The following MED12L variants were observed in gnomAD, a reference collection of about 807,000 sequenced individuals.
MED12L encodes mediator of RNA polymerase II transcription subunit 12-like protein.
In MED12L, 60 loss-of-function variants were observed where a neutral mutation model predicts 281.3. The ratio of observed to expected loss-of-function variants is 0.21; its 90% CI spans 0.17 to 0.26. MED12L has a LOEUF of 0.26. Ranked by LOEUF, MED12L falls within the 10% of genes least tolerant of loss-of-function variation. The pLI, the probability that MED12L is intolerant of heterozygous loss-of-function variation, is 1.00. For missense variants in MED12L, 2,146 were observed against 2,680.9 expected (o/e 0.80, Z 4.41); for synonymous variants, 974 against 987.2 (o/e 0.99, Z 0.25).
At chr3:151,300,455 T>C (rs1223952493) in intron 16 of MED12L, among the ~76,000 whole-genome samples, 1 of 152,172 alleles carries the variant, frequency 6.6e-6, no homozygotes, top group Non-Finnish European at 1.5e-5. Flanking sequence ...AAAGGTTAGC[T>C]GAGACCATAT....
At chr3:151,099,565 T>C (rs1560044022) in intron 2 of MED12L, among the ~76,000 whole-genome samples, 1 of 152,220 alleles carries the variant, frequency 6.6e-6, no homozygotes, top group Non-Finnish European at 1.5e-5. Flanking sequence ...TAGTTCTGCA[T>C]TCAATCTGTT....
chr3:151,123,840 T>C (rs80192135), intron 4 of MED12L, among the ~76,000 whole-genome samples: 6,318 of 152,306 alleles, frequency 0.041, 445 homozygotes, highest in African/African-American at 0.14. Flanking sequence ...TTGAAAATAG[T>C]GTCTGTAGCT....
At chr3:151,218,560 G>A (rs1033263717) in intron 16 of MED12L, among the ~76,000 whole-genome samples, 1 of 151,974 alleles carries the variant, frequency 6.6e-6, no homozygotes, top group African/African-American at 2.4e-5. Context: ...CATATATATA[G>A]CTAAACTTTT....
intron 16 of MED12L, among the ~76,000 whole-genome samples, chr3:151,260,531 A>G (rs1332882069): frequency 1.3e-5 from 2 of 151,962 alleles, no homozygotes; most frequent in African/African-American, 4.8e-5. Flanking sequence ...TATATTTTTC[A>G]TAGAGATAGG....
At chr3:151,250,940 G>A (rs553302212) in intron 16 of MED12L, among the ~76,000 whole-genome samples, 1 of 152,280 alleles carries the variant, frequency 6.6e-6, no homozygotes, top group African/African-American at 2.4e-5. Context: ...TTTTCCATTT[G>A]TGTGTTGTGT....
chr3:151,163,902 C>T lies in MED12L; in HGVS notation c.1117C>T (p.Leu373Phe), dbSNP rs1318912558. ...TCTGTTTCATTTCCAGACTGTCACT[C>T]TCTGTTGCCCAAGTGCCTTGGTGTG... ...GLSCMLQTVTLCCPSALVWNY... is the reference protein window; with the variant it reads ...GLSCMLQTVTFCCPSALVWNY... The change falls in exon 9 of 45, where the codon CTC becomes TTC. Residue 373 changes from leucine (L) to phenylalanine (F), a missense_variant. Leu to Phe is a conservative substitution (Grantham distance 22). Around this residue, in one of 9 missense-constraint regions of MED12L, gnomAD observed 722 missense variants for 861.2 expected, o/e 0.84. Coordinates refer to ENST00000687756, the MANE Select transcript of MED12L (RefSeq NM_001393769.1). 2 of 1,612,374 alleles carry T rather than the reference C, an allele frequency of 1.2e-6. No individual in the cohort carries two copies. Among genetic ancestry groups the T allele is most frequent in the African/African-American group, 1.3e-5 (1 of 74,886 alleles).
chr3:151,188,885 G>A (rs1213025165), intron 13 of MED12L, among the ~76,000 whole-genome samples: 1 of 152,156 alleles, frequency 6.6e-6, no homozygotes, highest in Non-Finnish European at 1.5e-5. Flanking sequence ...GTACAAGGAA[G>A]TAATTTATAG....
intron 6 of MED12L, among the ~76,000 whole-genome samples, chr3:151,158,300 CT>C (rs1719543363): frequency 6.6e-6 from 1 of 152,108 alleles, no homozygotes; most frequent in Non-Finnish European, 1.5e-5. Context: ...GATTTTCACA[CT>C]TTTGTTAAGA....
In MED12L at chr3:151,184,200, G is replaced by C. The variant is rs139272849; in HGVS notation, c.1495-1130G>C. ...TAGGGTATGATGAATAAAAATCTTG[G>C]AATAAACTGATTTTCATGATCTGAA... is the stretch of plus-strand genomic sequence containing the variant. On this transcript the variant is annotated intron_variant, in intron 11 of 44. Transcript: ENST00000687756. Among the ~76,000 whole-genome samples the C allele has an allele frequency of 2.2e-3, 332 of 152,278 alleles. 1 individual carries two copies. The highest frequency in any genetic ancestry group is 3.5e-3 in the Non-Finnish European group (236 of 68,020).
At chr3:151,133,954 T>C (rs1353089819) in intron 5 of MED12L, among the ~76,000 whole-genome samples, 1 of 152,232 alleles carries the variant, frequency 6.6e-6, no homozygotes, top group Non-Finnish European at 1.5e-5. Context: ...TGAGGAGTCT[T>C]ATTGTTGCTG....
chr3:151,239,418 A>T (rs1019337924), intron 16 of MED12L, among the ~76,000 whole-genome samples: 8 of 152,216 alleles, frequency 5.3e-5, no homozygotes, highest in African/African-American at 1.9e-4. Context: ...CATACTTTTA[A>T]CCTAAACATT....
chr3:151,243,766 A>C (rs1250590599), intron 16 of MED12L, among the ~76,000 whole-genome samples: 2 of 151,880 alleles, frequency 1.3e-5, no homozygotes, highest in African/African-American at 2.4e-5. Flanking sequence ...ACACATAACA[A>C]TATTAACTTT....
At chr3:151,229,398 C>G (rs1308252157) in intron 16 of MED12L, among the ~76,000 whole-genome samples, 1 of 151,108 alleles carries the variant, frequency 6.6e-6, no homozygotes, top group African/African-American at 2.4e-5. Context: ...ACCTCGCCTC[C>G]CGGGTTCAAG....
At chr3:151,138,999 A>G (rs370714059) in intron 5 of MED12L, among the ~76,000 whole-genome samples, 2,783 of 150,920 alleles carry the variant, frequency 0.018, 89 homozygotes, top group African/African-American at 0.066. Flanking sequence ...CTACCTACCT[A>G]CCTGCCTACC....
At position 151,085,667 on chromosome 3, in the gene MED12L, C is replaced by G. The variant is rs1719044484; in HGVS notation, c.-399C>G. Reference sequence around the variant, plus strand: ...CGGTCCGGCCGCCGAGCTGGGCATGCTCAGTGCGGACGCCGCGCCGCCGTC... The same window carrying G: ...CGGTCCGGCCGCCGAGCTGGGCATGGTCAGTGCGGACGCCGCGCCGCCGTC... On this transcript the variant is annotated 5_prime_UTR_variant, in exon 1 of 45. Transcript: ENST00000687756. The G allele has an allele frequency of 6.6e-6, 1 of 152,006 alleles. No homozygotes were observed. Among genetic ancestry groups the G allele is most frequent in the Non-Finnish European group, 1.5e-5 (1 of 67,956 alleles). The allele number at this position is 152,006 out of a possible 1,614,324, so 9.4% of individuals were successfully genotyped here.
intron 16 of MED12L, chr3:151,269,438 C>G (rs1005610743): frequency 4.7e-6 from 1 of 213,266 alleles, no homozygotes; most frequent in Admixed American, 6.0e-5. Context: ...CACACACACA[C>G]ACAAAATTCA....
intron 16 of MED12L, among the ~76,000 whole-genome samples, chr3:151,236,781 G>A (rs1261092900): frequency 4.0e-5 from 6 of 151,780 alleles, no homozygotes; most frequent in Admixed American, 3.3e-4. Flanking sequence ...CATATATATC[G>A]TACACATCCA....
chr3:151,400,329 G>A (rs1038745304), intron 39 of MED12L, among the ~76,000 whole-genome samples: 2 of 152,076 alleles, frequency 1.3e-5, no homozygotes, highest in African/African-American at 4.8e-5. Flanking sequence ...TCCAAAGAAG[G>A]ATAGACAGAA....
At chr3:151,364,005 T>TA (rs974042504) in intron 21 of MED12L, among the ~76,000 whole-genome samples, 8 of 151,014 alleles carry the variant, frequency 5.3e-5, no homozygotes, top group Non-Finnish European at 7.4e-5. Context: ...ATATGGGGTT[T>TA]AAAAAAAAAG....
Sources: allele counts gnomAD v4.1 joint callset (sites outside exome capture counted in the v4.1 genomes callset), GRCh38; gene constraint gnomAD v4.1.1; regional missense constraint gnomAD v4.1.1; transcripts MANE v1.5; gene names NCBI Gene and HGNC (gene_info 2026-07-23, HGNC 2026-07-21).